CACNA1A: variants seen among roughly 807,000 people sequenced by gnomAD.
The protein encoded by CACNA1A is voltage-dependent P/Q-type calcium channel subunit alpha-1A.
Under a neutral mutation model 262.4 loss-of-function variants are expected in CACNA1A, and 57 were observed. The observed-to-expected ratio is 0.22, with a 90% CI of 0.18 to 0.27. The LOEUF (loss-of-function observed/expected upper bound fraction) is 0.27, where lower values mean the gene tolerates loss of function less well. Ranked by LOEUF, CACNA1A falls within the 10% of genes least tolerant of loss-of-function variation. The probability of loss-of-function intolerance (pLI) is 1.00; values close to 1 mark genes in which losing one functional copy is unlikely to be tolerated. For missense variants in CACNA1A, 2,526 were observed against 3,562.8 expected, an observed-to-expected ratio of 0.71 and a Z score of 7.41; for synonymous variants, 1,431 against 1,419.3, an observed-to-expected ratio of 1.01 and a Z score of -0.18.
chr19:13,311,785 C>T lies in CACNA1A; in HGVS notation c.1668+884G>A, dbSNP rs1185506532. Among the ~76,000 whole-genome samples, 11 of 151,828 alleles carry T rather than the reference C, an allele frequency of 7.2e-5. 1 individual carries two copies. The highest frequency in any genetic ancestry group is 2.1e-4 in the South Asian group (1 of 4,798). ...CTGGGAGGCGGAGCTTGCAGTGAGC[C>T]GAGATGGCGCCACCGCACTCCAGCC... On this transcript the variant is annotated intron_variant, in intron 12 of 46. Transcript: ENST00000360228.
At chr19:13,331,166 G>A (rs912145089) in intron 9 of CACNA1A, among the ~76,000 whole-genome samples, 1 of 152,128 alleles carries the variant, frequency 6.6e-6, no homozygotes, top group Non-Finnish European at 1.5e-5. Context: ...CTTCTGGGAC[G>A]CAGTGCCAGT....
At chr19:13,326,744 G>A (rs1237814863) in intron 10 of CACNA1A, among the ~76,000 whole-genome samples, 3 of 146,544 alleles carry the variant, frequency 2.0e-5, no homozygotes, top group African/African-American at 7.6e-5. Context: ...AGCTATGCCT[G>A]CACCACTGCA....
At chr19:13,278,223 C>T (rs1187838055) in intron 22 of CACNA1A, among the ~76,000 whole-genome samples, 1 of 152,176 alleles carries the variant, frequency 6.6e-6, no homozygotes, top group East Asian at 1.9e-4. Context: ...GTGGCTCCCA[C>T]CTCATTCAGG....
chr19:13,214,435 C>T lies in CACNA1A; in HGVS notation c.5839+66G>A, dbSNP rs750284095. ...GCCCAGGCCAACACTCTCCCCAGGCCTCCCCTTTCCCTCCCCCTCCATCTG... is the reference window on the plus strand; with the variant it reads ...GCCCAGGCCAACACTCTCCCCAGGCTTCCCCTTTCCCTCCCCCTCCATCTG... On this transcript the variant is annotated intron_variant, in intron 39 of 46. Coordinates refer to ENST00000360228, the MANE Select transcript of CACNA1A (RefSeq NM_001127222.2). The surrounding 1 kb of genome is among the most constrained non-coding windows in gnomAD (Gnocchi z 4.1). The T allele has an allele frequency of 8.1e-5, 126 of 1,547,386 alleles. No homozygotes were observed. The highest frequency in any genetic ancestry group is 1.1e-4 in the Non-Finnish European group (121 of 1,124,580).
intron 3 of CACNA1A, among the ~76,000 whole-genome samples, chr19:13,437,364 C>A (rs1251624722): frequency 5.3e-5 from 8 of 152,110 alleles, no homozygotes; most frequent in Admixed American, 5.2e-4. Flanking sequence ...ATAAACCTAA[C>A]ACTGCAGAAG....
chr19:13,228,158 T>C (rs1037339265), intron 36 of CACNA1A, among the ~76,000 whole-genome samples: 2 of 151,964 alleles, frequency 1.3e-5, no homozygotes, highest in Non-Finnish European at 2.9e-5. Context: ...TCCTCCTGCT[T>C]TGGCCTCCCA....
intron 3 of CACNA1A, among the ~76,000 whole-genome samples, chr19:13,435,873 G>A (rs890873148): frequency 1.3e-5 from 2 of 152,144 alleles, no homozygotes; most frequent in African/African-American, 4.8e-5. Context: ...CATCCAGGCT[G>A]GAGTGCAGTG....
At chr19:13,367,795 C>T (rs2059244045) in intron 4 of CACNA1A, among the ~76,000 whole-genome samples, 1 of 152,120 alleles carries the variant, frequency 6.6e-6, no homozygotes, top group Non-Finnish European at 1.5e-5. Flanking sequence ...CCCAACTGGG[C>T]ATCTGAAGAC....
At chr19:13,398,821 T>C (rs1360322965) in intron 3 of CACNA1A, among the ~76,000 whole-genome samples, 2 of 152,226 alleles carry the variant, frequency 1.3e-5, no homozygotes, top group South Asian at 2.1e-4. Flanking sequence ...GCTCAGGAAG[T>C]AGCGGTCATG....
intron 34 of CACNA1A, among the ~76,000 whole-genome samples, chr19:13,232,437 AAG>A (rs2055698989): frequency 6.6e-6 from 1 of 151,668 alleles, no homozygotes; most frequent in African/African-American, 2.4e-5. Context: ...TATGCTTTAA[AAG>A]CTCCCCTCTT....
intron 3 of CACNA1A, among the ~76,000 whole-genome samples, chr19:13,400,786 C>T (rs1255717758): frequency 6.6e-6 from 1 of 152,168 alleles, no homozygotes; most frequent in Non-Finnish European, 1.5e-5. Flanking sequence ...CCCCCAAAGT[C>T]ATCAGTGCTG....
chr19:13,388,748 A>G (rs2059662459), intron 3 of CACNA1A, among the ~76,000 whole-genome samples: 1 of 152,112 alleles, frequency 6.6e-6, no homozygotes, highest in African/African-American at 2.4e-5. Context: ...CCCAGAGACA[A>G]CTGAGAGAAT....
chr19:13,323,523 G>A (rs1433543026), intron 10 of CACNA1A, among the ~76,000 whole-genome samples: 2 of 152,070 alleles, frequency 1.3e-5, no homozygotes, highest in Non-Finnish European at 2.9e-5. Context: ...GTGCAGTGAT[G>A]CAATGTCAGC....
chr19:13,429,224 T>G (rs943593611), intron 3 of CACNA1A, among the ~76,000 whole-genome samples: 1 of 150,544 alleles, frequency 6.6e-6, no homozygotes, highest in African/African-American at 2.5e-5. Flanking sequence ...TTCTCTCTCT[T>G]CTTGCAGCCT....
At chr19:13,415,335 A>G (rs2060201966) in intron 3 of CACNA1A, among the ~76,000 whole-genome samples, 1 of 152,080 alleles carries the variant, frequency 6.6e-6, no homozygotes, top group African/African-American at 2.4e-5. Context: ...TGCTCTTCAC[A>G]ACACGCCTGC....
At position 13,316,684 on chromosome 19, in the gene CACNA1A, C is replaced by T. The variant is rs117257585; in HGVS notation, c.1555+428G>A. 4.5e-3 allele frequency: 699 copies of T among 155,094 alleles called. 2 individuals are homozygous for T. The highest frequency in any genetic ancestry group is 0.012 in the South Asian group (56 of 4,850). 9.6% of individuals were successfully genotyped at this position (155,094 alleles called of 1,614,324 possible). A position where few individuals can be genotyped will look rare whatever the true frequency, so the allele number is the denominator to read the frequency against. On this transcript the variant is annotated intron_variant, in intron 11 of 46. Coordinates refer to ENST00000360228, the MANE Select transcript of CACNA1A (RefSeq NM_001127222.2). ...GAGAAAATGAGGGCAACATATAAGC[C>T]ACTCCTTATTTCTAAGGCATCCTCT...
At chr19:13,255,770 TCCC>T (rs1484312794) in intron 28 of CACNA1A, among the ~76,000 whole-genome samples, 1 of 113,660 alleles carries the variant, frequency 8.8e-6, no homozygotes, top group Non-Finnish European at 1.8e-5. Context: ...CCTCCTTCCC[TCCC>T]TCCTTTCCTT....
At chr19:13,355,988 T>C (rs948147352) in intron 6 of CACNA1A, among the ~76,000 whole-genome samples, 1 of 152,158 alleles carries the variant, frequency 6.6e-6, no homozygotes, top group East Asian at 1.9e-4. Flanking sequence ...AGAAGCTGTG[T>C]TCTAGGTTCA....
chr19:13,291,633 TAAA>T (rs3981952), intron 19 of CACNA1A, among the ~76,000 whole-genome samples: 8 of 97,344 alleles, frequency 8.2e-5, no homozygotes, highest in Non-Finnish European at 4.0e-5. Flanking sequence ...ACCCCATCTC[TAAA>T]AAAAAAAAAA....
Sources: gnomAD v4.1 joint callset for allele counts (sites outside exome capture counted in the v4.1 genomes callset) on GRCh38, gnomAD v4.1.1 for gene constraint, Gnocchi (gnomAD v3.1) non-coding constraint, MANE v1.5 for transcripts, NCBI Gene and HGNC (gene_info 2026-07-23, HGNC 2026-07-21) for gene names.